Variants in GRID2 observed in about 807,000 individuals in gnomAD.
GRID2 encodes glutamate receptor ionotropic, delta-2.
Under a neutral mutation model 114.8 loss-of-function variants are expected in GRID2, and 33 were observed. The ratio of observed to expected loss-of-function variants is 0.29; its 90% CI spans 0.22 to 0.38. GRID2 has a LOEUF of 0.38. Among genes scored for constraint, GRID2 ranks in the 10% least tolerant of loss-of-function variants. The pLI is 1.00. For synonymous variants in GRID2, 505 were observed against 449.9 expected, an observed-to-expected ratio of 1.12 and a Z score of -1.55; for missense variants, 1,184 against 1,257.7, an observed-to-expected ratio of 0.94 and a Z score of 0.89.
chr4:92,369,155 T>C (rs1006866292), intron 1 of GRID2, among the ~76,000 whole-genome samples: 9 of 152,038 alleles, frequency 5.9e-5, no homozygotes, highest in Non-Finnish European at 1.3e-4. Context: ...TGATAATAAA[T>C]ATATGAAATA....
chr4:92,940,809 G>A lies in GRID2; in HGVS notation c.245-144186G>A, dbSNP rs1361338041. On this transcript the variant is annotated intron_variant, in intron 2 of 15. Transcript: ENST00000282020. Reference sequence around the variant, plus strand: ...TTGAATTTTGTCAAAGGCCTTTTGTGCATCTATTGAGATAATCATGTGGTT... The same window carrying A: ...TTGAATTTTGTCAAAGGCCTTTTGTACATCTATTGAGATAATCATGTGGTT... 3.3e-5 allele frequency among the ~76,000 whole-genome samples: 5 copies of A among 152,216 alleles called. No individual in the cohort carries two copies. In the East Asian group the frequency reaches 7.7e-4, roughly 24 times the overall value.
At chr4:92,601,697 G>A (rs1057434409) in intron 2 of GRID2, among the ~76,000 whole-genome samples, 2 of 151,966 alleles carry the variant, frequency 1.3e-5, no homozygotes, top group African/African-American at 2.4e-5. Flanking sequence ...AGGAACTGGA[G>A]GGAGAGACAT....
At chr4:93,207,149 T>A (rs527707270) in intron 4 of GRID2, among the ~76,000 whole-genome samples, 43 of 152,208 alleles carry the variant, frequency 2.8e-4, no homozygotes, top group Non-Finnish European at 5.1e-4. Context: ...TTTTTTTCTG[T>A]TGAAACCCAT....
At chr4:92,941,862 C>A (rs1751171237) in intron 2 of GRID2, among the ~76,000 whole-genome samples, 1 of 152,240 alleles carries the variant, frequency 6.6e-6, no homozygotes, top group Admixed American at 6.5e-5. Flanking sequence ...GCTCAATTTC[C>A]ATGTAGTTGA....
At chr4:93,262,682 CTTATTTTACATACGTTTTA>C (rs1750381761) in intron 8 of GRID2, among the ~76,000 whole-genome samples, 1 of 151,840 alleles carries the variant, frequency 6.6e-6, no homozygotes, top group Non-Finnish European at 1.5e-5. Flanking sequence ...ATGATTTCCT[CTTATTTTACATACGTTTTA>C]TAACTCTATA....
intron 2 of GRID2, among the ~76,000 whole-genome samples, chr4:92,752,030 G>T (rs564463103): frequency 3.9e-5 from 6 of 152,160 alleles, no homozygotes; most frequent in Non-Finnish European, 8.8e-5. Context: ...GCAGTTGTAT[G>T]ATTAATGAAA....
intron 2 of GRID2, among the ~76,000 whole-genome samples, chr4:92,933,062 C>T (rs1750366361): frequency 1.3e-5 from 2 of 150,618 alleles, no homozygotes; most frequent in African/African-American, 4.9e-5. Flanking sequence ...ACTTAAAAAC[C>T]TCTCCATTTT....
At chr4:92,724,230 T>C (rs1735950772) in intron 2 of GRID2, among the ~76,000 whole-genome samples, 2 of 152,148 alleles carry the variant, frequency 1.3e-5, no homozygotes, top group Admixed American at 1.3e-4. Context: ...ACAGTGTCTA[T>C]GTGTTAAGAG....
chr4:93,111,626 TC>T (rs1732769063), intron 4 of GRID2, among the ~76,000 whole-genome samples: 2 of 152,292 alleles, frequency 1.3e-5, no homozygotes, highest in South Asian at 4.1e-4. Context: ...TATTGTCATG[TC>T]TTTTTGCCCC....
At chr4:93,697,602 C>A (rs143282489) in intron 14 of GRID2, among the ~76,000 whole-genome samples, 2 of 151,628 alleles carry the variant, frequency 1.3e-5, no homozygotes, top group Admixed American at 1.3e-4. Context: ...CAGATGCTAC[C>A]GAATATTAGT....
At chr4:93,520,649 G>C (rs570166795) in intron 13 of GRID2, among the ~76,000 whole-genome samples, 1 of 152,156 alleles carries the variant, frequency 6.6e-6, no homozygotes, top group Admixed American at 6.5e-5. Flanking sequence ...GTGGGAGGTG[G>C]GCAGGATGGA....
chr4:93,262,683 T>G (rs572232418), intron 8 of GRID2, among the ~76,000 whole-genome samples: 1 of 152,124 alleles, frequency 6.6e-6, no homozygotes, highest in East Asian at 1.9e-4. Flanking sequence ...TGATTTCCTC[T>G]TATTTTACAT....
intron 2 of GRID2, among the ~76,000 whole-genome samples, chr4:92,855,954 T>G (rs900791779): frequency 1.3e-5 from 2 of 152,090 alleles, no homozygotes; most frequent in Admixed American, 1.3e-4. Context: ...CACGCGATGT[T>G]TCAGGCTTTT....
At chr4:92,577,682 A>G (rs1002707096) in intron 1 of GRID2, among the ~76,000 whole-genome samples, 5 of 152,216 alleles carry the variant, frequency 3.3e-5, no homozygotes, top group Admixed American at 6.5e-5. Flanking sequence ...CTACAGGAAG[A>G]GCAAGGTCCT....
At chr4:92,627,532 T>C (rs1271039063) in intron 2 of GRID2, among the ~76,000 whole-genome samples, 1 of 152,164 alleles carries the variant, frequency 6.6e-6, no homozygotes, top group Non-Finnish European at 1.5e-5. Context: ...AGCCAATTGA[T>C]TCTCACAGAA....
intron 12 of GRID2, among the ~76,000 whole-genome samples, chr4:93,492,754 A>G (rs980772269): frequency 6.6e-6 from 1 of 151,868 alleles, no homozygotes. Flanking sequence ...AAAATTGTAC[A>G]TATTTAAGTT....
chr4:92,394,211 G>A (rs969119743), intron 1 of GRID2, among the ~76,000 whole-genome samples: 8 of 151,962 alleles, frequency 5.3e-5, no homozygotes, highest in African/African-American at 1.7e-4. Flanking sequence ...ATAATCATCT[G>A]CAATTCCACT....
intron 1 of GRID2, among the ~76,000 whole-genome samples, chr4:92,407,116 A>G (rs1731067456): frequency 6.6e-6 from 1 of 151,830 alleles, no homozygotes; most frequent in Non-Finnish European, 1.5e-5. Flanking sequence ...AGATACTGCC[A>G]CTCTTAAACC....
At chr4:92,876,602 G>T (rs970241913) in intron 2 of GRID2, among the ~76,000 whole-genome samples, 9 of 152,088 alleles carry the variant, frequency 5.9e-5, no homozygotes, top group Admixed American at 5.2e-4. Flanking sequence ...ACCGCACCCG[G>T]CCAAAAACCC....
Sources: allele counts gnomAD v4.1 joint callset (sites outside exome capture counted in the v4.1 genomes callset), GRCh38; gene constraint gnomAD v4.1.1; transcripts MANE v1.5; gene names NCBI Gene and HGNC (gene_info 2026-07-23, HGNC 2026-07-21).